The following SPATA9 variants were observed in gnomAD, a reference collection of about 807,000 sequenced individuals.
SPATA9 encodes the protein spermatogenesis-associated protein 9.
Under a neutral mutation model 25.5 loss-of-function variants are expected in SPATA9, and 27 were observed. That is an observed-to-expected ratio of 1.06 (90% CI 0.78 to 1.46). SPATA9 has a LOEUF of 1.46. Ranked by LOEUF, SPATA9 falls within the 40% of genes most tolerant of loss-of-function variation. The pLI, the probability that SPATA9 is intolerant of heterozygous loss-of-function variation, is 0.00. For synonymous variants in SPATA9, 102 were observed against 105.7 expected (o/e 0.97, Z 0.21); for missense variants, 282 against 297.5 (o/e 0.95, Z 0.38).
At chr5:95,672,125 A>G (rs919381238) in intron 3 of SPATA9, among the ~76,000 whole-genome samples, 5 of 152,190 alleles carry the variant, frequency 3.3e-5, no homozygotes, top group Non-Finnish European at 7.4e-5. Context: ...TGGGTGCTTG[A>G]GTATTAATAC....
At chr5:95,717,912 C>T in the SPATA9 span, 1 of 152,142 alleles carries the variant, frequency 6.6e-6, no homozygotes, top group Admixed American at 6.5e-5. Flanking sequence ...ATTCATTAAA[C>T]TATACATTTA....
intron 2 of SPATA9, among the ~76,000 whole-genome samples, chr5:95,679,448 T>C (rs1753228335): frequency 6.6e-6 from 1 of 152,194 alleles, no homozygotes; most frequent in South Asian, 2.1e-4. Flanking sequence ...AAGGCTAAGA[T>C]ACAGCATTAG....
intron 1 of SPATA9, among the ~76,000 whole-genome samples, chr5:95,693,160 T>G (rs1364387918): frequency 6.6e-6 from 1 of 152,230 alleles, no homozygotes; most frequent in Non-Finnish European, 1.5e-5. Context: ...TAAACTGGCA[T>G]GCTTACTTTA....
At chr5:95,693,743 A>G (rs1267010933) in intron 1 of SPATA9, among the ~76,000 whole-genome samples, 1 of 152,238 alleles carries the variant, frequency 6.6e-6, no homozygotes, top group Non-Finnish European at 1.5e-5. Context: ...TTATAAATAT[A>G]TTTTAAATTG....
chr5:95,714,888 G>A, the SPATA9 span, among the ~76,000 whole-genome samples: 2 of 152,038 alleles, frequency 1.3e-5, no homozygotes, highest in Non-Finnish European at 2.9e-5. Context: ...GAACATTAAA[G>A]AAGACTTAAA....
the SPATA9 span, among the ~76,000 whole-genome samples, chr5:95,710,211 T>G: frequency 6.6e-6 from 1 of 152,166 alleles, no homozygotes; most frequent in Non-Finnish European, 1.5e-5. Flanking sequence ...GGCGTCCACC[T>G]TCTCTAGGGG....
chr5:95,708,978 T>G, the SPATA9 span: 1 of 219,868 alleles, frequency 4.5e-6, no homozygotes, highest in African/African-American at 2.3e-5. Flanking sequence ...TGATCCAGCC[T>G]TGGGGACCCA....
At position 95,664,914 on chromosome 5, in the gene SPATA9, T is replaced by A. The variant is rs185815456; in HGVS notation, c.379-866A>T. ...TCATTAGACAACGTTCATTAAAGAG[T>A]TATAACATTGAAAAAACTAAAACAA... is the stretch of plus-strand genomic sequence containing the variant. On this transcript the variant is annotated intron_variant, in intron 3 of 4. Coordinates refer to ENST00000274432, the MANE Select transcript of SPATA9 (RefSeq NM_031952.4). Among the ~76,000 whole-genome samples, 12 of 152,118 alleles carry A rather than the reference T, an allele frequency of 7.9e-5. No individual in the cohort carries two copies. The East Asian group carries it at 1.9e-3, about 24-fold the overall frequency.
the SPATA9 span, among the ~76,000 whole-genome samples, chr5:95,721,534 T>C: frequency 6.6e-6 from 1 of 152,078 alleles, no homozygotes; most frequent in South Asian, 2.1e-4. Context: ...AAACTAGTAG[T>C]ATAGCTGGAA....
the SPATA9 span, chr5:95,731,030 C>G: frequency 2.6e-4 from 253 of 967,728 alleles, no homozygotes; most frequent in African/African-American, 4.1e-3. Context: ...CCCCACCCCC[C>G]TTTCCTGGCT....
At chr5:95,697,673 T>C (rs1237520232) in intron 1 of SPATA9, among the ~76,000 whole-genome samples, 1 of 152,240 alleles carries the variant, frequency 6.6e-6, no homozygotes, top group Admixed American at 6.5e-5. Context: ...CTCATCATTG[T>C]GGATGCAAGT....
chr5:95,706,438 G>C, the SPATA9 span, among the ~76,000 whole-genome samples: 560 of 151,920 alleles, frequency 3.7e-3, 5 homozygotes, highest in Non-Finnish European at 4.3e-3. Context: ...AGTCGTGCCT[G>C]CTTCCTTTTC....
the SPATA9 span, among the ~76,000 whole-genome samples, chr5:95,712,883 T>C: frequency 6.6e-6 from 1 of 150,682 alleles, no homozygotes; most frequent in African/African-American, 2.4e-5. Context: ...CTTTTCCATG[T>C]TCAGTTTTTT....
At chr5:95,655,258 C>G (rs575393411), downstream of SPATA9, 1 of 152,178 alleles carries the variant, frequency 6.6e-6, no homozygotes, top group Non-Finnish European at 1.5e-5. Flanking sequence ...TCTTTGCTGA[C>G]AGTTTTATGA....
the SPATA9 span, among the ~76,000 whole-genome samples, chr5:95,709,991 A>G: frequency 1.3e-5 from 2 of 152,178 alleles, no homozygotes; most frequent in African/African-American, 4.8e-5. Context: ...CATGCACAGT[A>G]GCAAAGGTGT....
At chr5:95,717,592 A>C in the SPATA9 span, 2 of 152,228 alleles carry the variant, frequency 1.3e-5, no homozygotes, top group Non-Finnish European at 2.9e-5. Flanking sequence ...GAGCCAGGGG[A>C]AGAAAATATC....
chr5:95,683,222 GA>G (rs892652305), upstream of SPATA9, among the ~76,000 whole-genome samples: 2 of 151,990 alleles, frequency 1.3e-5, no homozygotes, highest in Non-Finnish European at 1.5e-5. Context: ...AGGTCCCTTT[GA>G]AAAAAAATGG....
downstream of SPATA9, among the ~76,000 whole-genome samples, chr5:95,654,655 G>T (rs373687142): frequency 2.0e-5 from 3 of 151,872 alleles, no homozygotes; most frequent in Non-Finnish European, 4.4e-5. Flanking sequence ...TTTAACAATC[G>T]GAAACTGGTT....
chr5:95,689,928 T>C (rs1164221045), intron 1 of SPATA9, among the ~76,000 whole-genome samples: 3 of 152,142 alleles, frequency 2.0e-5, no homozygotes, highest in Non-Finnish European at 2.9e-5. Context: ...AGCAAAATAA[T>C]GCAGGAACAG....
Sources: allele counts gnomAD v4.1 joint callset (sites outside exome capture counted in the v4.1 genomes callset), GRCh38; gene constraint gnomAD v4.1.1; transcripts MANE v1.5; gene names NCBI Gene and HGNC (gene_info 2026-07-23, HGNC 2026-07-21).